LAMA3: variants seen among roughly 807,000 people sequenced by gnomAD.
LAMA3 encodes the protein laminin subunit alpha 3.
In LAMA3, 281 loss-of-function variants were observed where a neutral mutation model predicts 402.0. The ratio of observed to expected loss-of-function variants is 0.70; its 90% CI spans 0.63 to 0.77. LAMA3 has a LOEUF of 0.77. LAMA3 is among the 30% of genes least tolerant of loss of function. The pLI is 0.00. For synonymous variants in LAMA3, 1,431 were observed against 1,558.4 expected (o/e 0.92, Z 1.93); for missense variants, 3,840 against 4,215.5 (o/e 0.91, Z 2.47).
intron 12 of LAMA3, among the ~76,000 whole-genome samples, chr18:23,788,723 A>C (rs2062594605): frequency 6.6e-6 from 1 of 151,970 alleles, no homozygotes; most frequent in Non-Finnish European, 1.5e-5. Flanking sequence ...TGTTTCTTAG[A>C]TATGACAACA....
intron 23 of LAMA3, among the ~76,000 whole-genome samples, chr18:23,832,136 C>T (rs1239838836): frequency 6.6e-6 from 1 of 152,164 alleles, no homozygotes; most frequent in African/African-American, 2.4e-5. Flanking sequence ...TAATAGAGTG[C>T]TAGATAGAAC....
In LAMA3 at chr18:23,912,470, A is replaced by G. The variant is rs77513386; in HGVS notation, c.7159-241A>G. 1.1e-3 allele frequency among the ~76,000 whole-genome samples: 166 copies of G among 152,274 alleles called. 1 individual carries two copies. In the East Asian group the frequency reaches 0.029, roughly 27 times the overall value. ...AGAGGACTAAATGCACTGCTCAAAT[A>G]TCCCTGACTAATAAGAAACACAAAT... On this transcript the variant is annotated intron_variant, in intron 55 of 74. Transcript: ENST00000313654.
chr18:23,861,526 A>G, intron 34 of LAMA3, 120 bp from the exon 35 acceptor site: 1 of 1,066,350 alleles, frequency 9.4e-7, no homozygotes, highest in Non-Finnish European at 1.4e-6. Context: ...AGACGCATAA[A>G]GGAGGCCTCT....
intron 8 of LAMA3, among the ~76,000 whole-genome samples, chr18:23,770,439 T>C (rs1484138591): frequency 6.6e-6 from 1 of 151,250 alleles, no homozygotes; most frequent in Non-Finnish European, 1.5e-5. Context: ...CAAAAGTAGA[T>C]ATATAAATGG....
In LAMA3 at chr18:23,861,704, C is replaced by T; in HGVS notation, c.4481C>T (p.Ser1494Phe). The T allele has an allele frequency of 6.2e-7, 1 of 1,614,210 alleles. No individual in the cohort carries two copies. Among genetic ancestry groups the T allele is most frequent in the Non-Finnish European group, 8.5e-7 (1 of 1,180,044 alleles). ...ETADRVDIPV[S>F]FNPGSNSMVA... ...GCAGACAGAGTGGACATCCCTGTCTCTTTCAACCCAGGCAGCAACAGTATG... is the reference window on the plus strand; with the variant it reads ...GCAGACAGAGTGGACATCCCTGTCTTTTTCAACCCAGGCAGCAACAGTATG... The change falls in exon 35 of 75, where the codon TCT (serine) becomes TTT (phenylalanine). Residue 1494 changes from serine to phenylalanine, a missense_variant. Transcript: ENST00000313654.
At chr18:23,756,866 C>T (rs993721741) in intron 6 of LAMA3, among the ~76,000 whole-genome samples, 4 of 151,918 alleles carry the variant, frequency 2.6e-5, no homozygotes, top group Non-Finnish European at 1.5e-5. Flanking sequence ...CAACCATGTG[C>T]TCCCAGTGGT....
chr18:23,693,327 A>T (rs2145805100), intron 1 of LAMA3, among the ~76,000 whole-genome samples: 1 of 152,324 alleles, frequency 6.6e-6, no homozygotes, highest in Non-Finnish European at 1.5e-5. Flanking sequence ...ACTCCATCTC[A>T]AAAACAAAAC....
intron 12 of LAMA3, among the ~76,000 whole-genome samples, chr18:23,808,071 G>A (rs1486033594): frequency 6.6e-6 from 1 of 152,118 alleles, no homozygotes; most frequent in Admixed American, 6.5e-5. Flanking sequence ...TCTTGTGGGG[G>A]TGCTTTATGC....
intron 68 of LAMA3, among the ~76,000 whole-genome samples, chr18:23,940,216 G>A (rs1258148): frequency 0.16 from 23,665 of 152,184 alleles, 2,267 homozygotes; most frequent in South Asian, 0.24. Context: ...TGCAGATACT[G>A]TGAGGGGAGG....
chr18:23,717,719 AATTTTTTTTTTTTTT>A lies in LAMA3; in HGVS notation c.447+3648_447+3662del, dbSNP rs1479082533. Among the ~76,000 whole-genome samples the A allele has an allele frequency of 1.9e-3, 223 of 116,808 alleles. 4 individuals carry two copies. The highest frequency in any genetic ancestry group is 8.4e-3 in the African/African-American group (216 of 25,686). The allele number at this position is 116,808 out of a possible 152,430, so 76.6% of individuals were successfully genotyped here. On this transcript the variant is annotated intron_variant, in intron 2 of 74. Coordinates refer to ENST00000313654, the MANE Select transcript of LAMA3 (RefSeq NM_198129.4). ...AGGTGCCCACCACCATGCCTGGCTA[AATTTTTTTTTTTTTT>A]TTTTTTTTTTTTTTTTAGTAGAGAC...
At chr18:23,937,971 C>T (rs2082363126) in intron 67 of LAMA3, among the ~76,000 whole-genome samples, 4 of 152,122 alleles carry the variant, frequency 2.6e-5, no homozygotes, top group Admixed American at 2.6e-4. Context: ...AAATTAATGA[C>T]TTAAACAATA....
chr18:23,702,031 A>G (rs1371701570), intron 1 of LAMA3, among the ~76,000 whole-genome samples: 1 of 152,092 alleles, frequency 6.6e-6, no homozygotes, highest in Non-Finnish European at 1.5e-5. Context: ...GGAGAGAGAG[A>G]GACAGAGAGA....
At chr18:23,852,155 G>A (rs1030028257) in intron 32 of LAMA3, among the ~76,000 whole-genome samples, 3 of 152,176 alleles carry the variant, frequency 2.0e-5, no homozygotes, top group Admixed American at 6.5e-5. Flanking sequence ...ATGTTCAGAT[G>A]ATATTGATGC....
intron 17 of LAMA3, 108 bp downstream of exon 17, chr18:23,815,681 A>G (rs150888242): frequency 1.3e-4 from 106 of 804,112 alleles, no homozygotes; most frequent in Admixed American, 1.0e-3. Context: ...TTCTGATGGA[A>G]TGGCCCTGAA....
At chr18:23,760,935 A>G (rs938669652) in intron 7 of LAMA3, among the ~76,000 whole-genome samples, 5 of 151,946 alleles carry the variant, frequency 3.3e-5, no homozygotes, top group African/African-American at 1.2e-4. Context: ...AAGGGCACTT[A>G]TCACCTCCCA....
chr18:23,808,332 ATAGT>A (rs1568205235), intron 12 of LAMA3, among the ~76,000 whole-genome samples: 1 of 152,068 alleles, frequency 6.6e-6, no homozygotes, highest in East Asian at 1.9e-4. Context: ...TGCTACATAA[ATAGT>A]TATATTACAT....
intron 1 of LAMA3, 94 bp from the exon 2 acceptor site, chr18:23,713,826 G>A (rs1357978615): frequency 2.7e-6 from 3 of 1,111,014 alleles, no homozygotes; most frequent in Non-Finnish European, 3.9e-6. Context: ...TCTTTGTTTG[G>A]TTCCCTGTAT....
At chr18:23,868,281 A>G (rs2064415471) in intron 37 of LAMA3, among the ~76,000 whole-genome samples, 1 of 152,204 alleles carries the variant, frequency 6.6e-6, no homozygotes, top group Admixed American at 6.5e-5. Flanking sequence ...CCCAACTTGT[A>G]TAGATTCAAA....
chr18:23,756,709 G>A (rs1324315253), intron 6 of LAMA3, among the ~76,000 whole-genome samples: 1 of 152,200 alleles, frequency 6.6e-6, no homozygotes, highest in Admixed American at 6.5e-5. Context: ...CATCACAGTA[G>A]ATGTTGTAAG....
Sources: gnomAD v4.1 joint callset for allele counts (sites outside exome capture counted in the v4.1 genomes callset) on GRCh38, gnomAD v4.1.1 for gene constraint, MANE v1.5 for transcripts, NCBI Gene and HGNC (gene_info 2026-07-23, HGNC 2026-07-21) for gene names.